The following AK4 variants were observed in gnomAD, a reference collection of about 807,000 sequenced individuals.
AK4 encodes adenylate kinase 4.
AK4 carries 13 observed loss-of-function variants against 24.6 expected under a neutral mutation model. The observed-to-expected ratio is 0.53, with a 90% CI of 0.34 to 0.84. The LOEUF is 0.84. AK4 is among the 40% of genes least tolerant of loss of function. AK4 has a pLI of 0.01. For synonymous variants in AK4, 88 were observed against 107.0 expected, an observed-to-expected ratio of 0.82 and a Z score of 1.10; for missense variants, 192 against 288.2, an observed-to-expected ratio of 0.67 and a Z score of 2.42.
intron 2 of AK4, among the ~76,000 whole-genome samples, chr1:65,191,609 T>A (rs1353524118): frequency 6.6e-6 from 1 of 151,522 alleles, no homozygotes; most frequent in Non-Finnish European, 1.5e-5. Flanking sequence ...TATCTTAGTA[T>A]TTTTTCTGAG....
At chr1:65,222,015 C>T (rs764002796) in intron 3 of AK4, among the ~76,000 whole-genome samples, 16 of 152,090 alleles carry the variant, frequency 1.1e-4, no homozygotes, top group Non-Finnish European at 2.1e-4. Flanking sequence ...AGAGAAACAG[C>T]CCTCTCTACA....
rs1652639581 is a variant in AK4 at position 65,231,351 on chromosome 1, T to A, written c.*5174T>A. The A allele has an allele frequency of 1.3e-5, 2 of 152,886 alleles. No homozygotes were observed. The highest frequency in any genetic ancestry group is 4.1e-4 in the South Asian group (2 of 4,856). 9.5% of individuals were successfully genotyped at this position (152,886 alleles called of 1,614,324 possible). A position where few individuals can be genotyped will look rare whatever the true frequency, so the allele number is the denominator to read the frequency against. On this transcript the variant is annotated 3_prime_UTR_variant, in exon 5 of 5. Transcript: ENST00000327299. ...TGATCATTTTTGTGTGTGTGTGGTG[T>A]GTGTGTGAGAGAGAGAGATACTGCA... is the stretch of plus-strand genomic sequence containing the variant.
chr1:65,171,760 G>T (rs1409324688), intron 1 of AK4, among the ~76,000 whole-genome samples: 4 of 151,888 alleles, frequency 2.6e-5, no homozygotes. Context: ...AAGTCGCAAA[G>T]AAGTGGAATC....
intron 1 of AK4, among the ~76,000 whole-genome samples, chr1:65,189,335 A>ATGGCTCAATCT (rs1471936498): frequency 4.1e-4 from 56 of 137,850 alleles, no homozygotes; most frequent in African/African-American, 1.5e-3. Context: ...CTGGAGTGCA[A>ATGGCTCAATCT]TGGCTCAATC....
intron 3 of AK4, among the ~76,000 whole-genome samples, chr1:65,221,811 T>G (rs557235710): frequency 6.6e-6 from 1 of 152,346 alleles, no homozygotes; most frequent in African/African-American, 2.4e-5. Context: ...AAAGAACATC[T>G]GCAATTACCA....
intron 2 of AK4, among the ~76,000 whole-genome samples, chr1:65,215,529 C>T (rs551060580): frequency 6.6e-6 from 1 of 152,234 alleles, no homozygotes; most frequent in East Asian, 1.9e-4. Flanking sequence ...AAATGGAGAA[C>T]CCTTGAAGTT....
chr1:65,214,304 T>C (rs908875632), intron 2 of AK4, among the ~76,000 whole-genome samples: 9 of 152,024 alleles, frequency 5.9e-5, no homozygotes, highest in African/African-American at 2.2e-4. Flanking sequence ...AGAGATGGGG[T>C]TTTGCCATGT....
intron 4 of AK4, among the ~76,000 whole-genome samples, chr1:65,225,150 A>G (rs1652414706): frequency 6.6e-6 from 1 of 152,166 alleles, no homozygotes; most frequent in South Asian, 2.1e-4. Flanking sequence ...CATTTTCTTA[A>G]AAATTTAAGT....
intron 1 of AK4, among the ~76,000 whole-genome samples, chr1:65,152,585 G>A (rs1649835636): frequency 6.6e-6 from 1 of 150,652 alleles, no homozygotes; most frequent in South Asian, 2.1e-4. Flanking sequence ...TATTTTTGGT[G>A]GAGATGGGGT....
At chr1:65,183,451 C>A (rs1296354989) in intron 1 of AK4, among the ~76,000 whole-genome samples, 2 of 152,072 alleles carry the variant, frequency 1.3e-5, no homozygotes, top group Non-Finnish European at 2.9e-5. Context: ...GCCATGTTGG[C>A]CAGTCTGGTC....
intron 1 of AK4, among the ~76,000 whole-genome samples, chr1:65,182,079 C>G (rs932592837): frequency 6.6e-6 from 1 of 152,094 alleles, no homozygotes. Flanking sequence ...CCACGCCTGA[C>G]TAATTTTACA....
intron 2 of AK4, among the ~76,000 whole-genome samples, chr1:65,203,414 T>A (rs1351526153): frequency 1.3e-5 from 2 of 152,164 alleles, no homozygotes; most frequent in African/African-American, 4.8e-5. Context: ...ATTTCAATAA[T>A]AACTTACTGA....
intron 1 of AK4, among the ~76,000 whole-genome samples, chr1:65,164,231 T>C (rs916757164): frequency 1.3e-4 from 20 of 152,186 alleles, no homozygotes; most frequent in African/African-American, 4.8e-4. Context: ...CAAAGTTAGT[T>C]TGGCCTACAC....
intron 1 of AK4, among the ~76,000 whole-genome samples, chr1:65,187,098 G>A (rs866090990): frequency 1.3e-5 from 2 of 151,800 alleles, no homozygotes; most frequent in African/African-American, 2.4e-5. Flanking sequence ...GGTGGCTCAC[G>A]CTTGTAATCC....
At chr1:65,168,197 G>T (rs1307952434) in intron 1 of AK4, among the ~76,000 whole-genome samples, 14 of 147,784 alleles carry the variant, frequency 9.5e-5, no homozygotes, top group Non-Finnish European at 1.6e-4. Flanking sequence ...GCCCAGGCTG[G>T]AGTGCAATGG....
rs760091829 is a variant in AK4, at chr1:65,224,878, T to C, written c.557+8T>C. The stretch of plus-strand genomic sequence containing the variant: ...AGTCATTGAATTATACAAGTGAGTG[T>C]GCTTCAATATTTTCATGACAAAGGA... On this transcript the variant is annotated splice_region_variant and intron_variant, in intron 4 of 4. Transcript: ENST00000327299. 2.7e-5 allele frequency: 43 copies of C among 1,602,320 alleles called. No individual in the cohort carries two copies. In the South Asian group the frequency reaches 4.4e-4, roughly 16 times the overall value.
intron 1 of AK4, among the ~76,000 whole-genome samples, chr1:65,172,080 TATATATATATATATATATATA>T (rs200204663): frequency 0.051 from 5,977 of 117,890 alleles, 516 homozygotes; most frequent in Admixed American, 0.15. Context: ...TATATATATA[TATATATATATATATATATATA>T]TATTTAAACT....
chr1:65,218,554 AG>A (rs1172808825), intron 2 of AK4, among the ~76,000 whole-genome samples, 199 bp from the exon 3 acceptor site: 1 of 152,190 alleles, frequency 6.6e-6, no homozygotes, highest in African/African-American at 2.4e-5. Flanking sequence ...TTAGATTCAG[AG>A]GATACATGTG....
At position 65,226,102 on chromosome 1, in the gene AK4, G is replaced by A. The variant is rs550508905; in HGVS notation, c.597G>A (p.Thr199=). ...GVLHQFSGTE[T]NKIWPYVYTL... ...TCCACCAATTTTCCGGAACGGAGAC[G>A]AACAAAATCTGGCCCTACGTTTACA... is the stretch of plus-strand genomic sequence containing the variant. Residue 199 remains threonine, a synonymous_variant, in exon 5 of 5, where the codon ACG becomes ACA. Coordinates refer to ENST00000327299, the MANE Select transcript of AK4 (RefSeq NM_013410.4). The A allele has an allele frequency of 1.9e-5, 31 of 1,611,654 alleles. No individual in the cohort carries two copies. In the East Asian group the frequency reaches 4.7e-4, roughly 24 times the overall value.
Sources: allele counts gnomAD v4.1 joint callset (sites outside exome capture counted in the v4.1 genomes callset), GRCh38; gene constraint gnomAD v4.1.1; transcripts MANE v1.5; gene names NCBI Gene and HGNC (gene_info 2026-07-23, HGNC 2026-07-21).